SLIT2: variants seen among roughly 807,000 people sequenced by gnomAD.
The protein encoded by SLIT2 is slit homolog 2 protein.
Under a neutral mutation model 185.7 loss-of-function variants are expected in SLIT2, and 41 were observed. The observed-to-expected ratio is 0.22, with a 90% CI of 0.17 to 0.29. SLIT2 has a LOEUF of 0.29. Ranked by LOEUF, SLIT2 falls within the 10% of genes least tolerant of loss-of-function variation. SLIT2 has a pLI of 1.00. For synonymous variants in SLIT2, 693 were observed against 680.2 expected, an observed-to-expected ratio of 1.02 and a Z score of -0.29; for missense variants, 1,571 against 1,909.0, an observed-to-expected ratio of 0.82 and a Z score of 3.30.
At chr4:20,371,289 A>T (rs778718025) in intron 4 of SLIT2, among the ~76,000 whole-genome samples, 16 of 151,960 alleles carry the variant, frequency 1.1e-4, no homozygotes, top group Non-Finnish European at 1.8e-4. Context: ...CTTGATGCTC[A>T]CACAGACTTA....
intron 4 of SLIT2, among the ~76,000 whole-genome samples, chr4:20,378,033 G>A (rs974483846): frequency 7.2e-5 from 11 of 151,974 alleles, no homozygotes; most frequent in Non-Finnish European, 1.2e-4. Context: ...CAGCGTGTGT[G>A]GATATAATGT....
At chr4:20,487,360 T>G (rs1438494803) in intron 7 of SLIT2, among the ~76,000 whole-genome samples, 1 of 152,272 alleles carries the variant, frequency 6.6e-6, no homozygotes, top group Admixed American at 6.5e-5. Context: ...TCCCAGTAAC[T>G]TCAGGTATTT....
intron 4 of SLIT2, among the ~76,000 whole-genome samples, chr4:20,334,334 T>C (rs146323862): frequency 2.0e-4 from 30 of 152,242 alleles, no homozygotes; most frequent in Admixed American, 1.1e-3. Context: ...TAAAAGTTCA[T>C]GATTTCAAAC....
At chr4:20,278,837 G>C (rs1256509457) in intron 4 of SLIT2, among the ~76,000 whole-genome samples, 3 of 151,552 alleles carry the variant, frequency 2.0e-5, no homozygotes, top group African/African-American at 7.3e-5. Flanking sequence ...GGCGTGTGGA[G>C]GGGGAAGCGA....
At chr4:20,286,194 C>G (rs1715251070) in intron 4 of SLIT2, among the ~76,000 whole-genome samples, 1 of 152,122 alleles carries the variant, frequency 6.6e-6, no homozygotes, top group South Asian at 2.1e-4. Flanking sequence ...AATGTGTAAT[C>G]CTCATGGTAA....
chr4:20,289,534 G>A (rs1283155284), intron 4 of SLIT2, among the ~76,000 whole-genome samples: 1 of 152,102 alleles, frequency 6.6e-6, no homozygotes, highest in Non-Finnish European at 1.5e-5. Context: ...ACCCATGAAG[G>A]TGTGTTTTCT....
intron 12 of SLIT2, among the ~76,000 whole-genome samples, chr4:20,520,026 T>A (rs1372646469): frequency 2.1e-5 from 2 of 93,436 alleles, no homozygotes; most frequent in Non-Finnish European, 1.9e-5. Flanking sequence ...AGAGTGAGAC[T>A]CCGTCTCAAA....
rs147573782 is a variant in SLIT2 at position 20,376,934 on chromosome 4, A to G, written c.396-90818A>G. On this transcript the variant is annotated intron_variant, in intron 4 of 36. Coordinates refer to ENST00000504154, the MANE Select transcript of SLIT2 (RefSeq NM_004787.4). Reference sequence around the variant, plus strand: ...AATACCTAATGTAAACGACTCGTTAATGGGTGCAGCAAACCAACATGGCAC... The same window carrying G: ...AATACCTAATGTAAACGACTCGTTAGTGGGTGCAGCAAACCAACATGGCAC... Among the ~76,000 whole-genome samples, 12 of 152,256 alleles carry G rather than the reference A, an allele frequency of 7.9e-5. No individual in the cohort carries two copies. The East Asian group carries it at 2.1e-3, about 27-fold the overall frequency.
rs183098131 is a variant in SLIT2, at chr4:20,434,921, C to G, written c.396-32831C>G. Among the ~76,000 whole-genome samples, 99 of 152,202 alleles carry G rather than the reference C, an allele frequency of 6.5e-4. No individual in the cohort carries two copies. The East Asian group carries it at 0.01, about 15-fold the overall frequency. On this transcript the variant is annotated intron_variant, in intron 4 of 36. Transcript: ENST00000504154. Reference sequence around the variant, plus strand: ...AACATATGGCATATAGAATTATCTTCCACATATTTGCTTACCACTGTACCA... The same window carrying G: ...AACATATGGCATATAGAATTATCTTGCACATATTTGCTTACCACTGTACCA...
chr4:20,435,356 C>T (rs1288337116), intron 4 of SLIT2, among the ~76,000 whole-genome samples: 1 of 152,174 alleles, frequency 6.6e-6, no homozygotes, highest in Non-Finnish European at 1.5e-5. Context: ...AAATTAAAAA[C>T]ATATGGTCTT....
At chr4:20,483,752 T>C (rs1032257120) in intron 6 of SLIT2, among the ~76,000 whole-genome samples, 1 of 152,034 alleles carries the variant, frequency 6.6e-6, no homozygotes, top group African/African-American at 2.4e-5. Flanking sequence ...GAATACTCAT[T>C]ACAAAGAAAA....
At chr4:20,416,451 A>C (rs1028852478) in intron 4 of SLIT2, among the ~76,000 whole-genome samples, 1 of 152,176 alleles carries the variant, frequency 6.6e-6, no homozygotes, top group African/African-American at 2.4e-5. Flanking sequence ...CACCAAATAC[A>C]TTTACGCTGG....
intron 4 of SLIT2, among the ~76,000 whole-genome samples, chr4:20,456,509 T>C (rs1415578392): frequency 1.3e-5 from 2 of 152,260 alleles, no homozygotes. Context: ...CATTATTTTA[T>C]TTACACATGC....
intron 4 of SLIT2, among the ~76,000 whole-genome samples, chr4:20,362,636 A>C (rs1419328573): frequency 6.6e-6 from 1 of 151,760 alleles, no homozygotes; most frequent in Admixed American, 6.6e-5. Context: ...ATTTTTTAAA[A>C]TAACGTGTAT....
chr4:20,486,487 G>A (rs1717252717), intron 7 of SLIT2, among the ~76,000 whole-genome samples: 1 of 151,836 alleles, frequency 6.6e-6, no homozygotes, highest in South Asian at 2.1e-4. Flanking sequence ...GGAAACTTTG[G>A]AGTTAAAAAA....
At chr4:20,433,434 C>T (rs1389018261) in intron 4 of SLIT2, among the ~76,000 whole-genome samples, 1 of 152,090 alleles carries the variant, frequency 6.6e-6, no homozygotes, top group African/African-American at 2.4e-5. Flanking sequence ...TTTCAGATTC[C>T]CGGAGTGTGG....
intron 26 of SLIT2, among the ~76,000 whole-genome samples, chr4:20,563,841 C>T (rs1490496138): frequency 4.0e-5 from 6 of 151,798 alleles, no homozygotes; most frequent in Admixed American, 1.3e-4. Flanking sequence ...TGTATTTGAT[C>T]TCACTAGGTT....
At chr4:20,391,268 AC>A (rs1386299795) in intron 4 of SLIT2, among the ~76,000 whole-genome samples, 8 of 152,078 alleles carry the variant, frequency 5.3e-5, no homozygotes, top group Admixed American at 1.3e-4. Context: ...AATGCACATA[AC>A]CCATCTCAAA....
At chr4:20,465,658 C>G (rs1714259687) in intron 4 of SLIT2, among the ~76,000 whole-genome samples, 1 of 152,022 alleles carries the variant, frequency 6.6e-6, no homozygotes. Context: ...TATTTGATGC[C>G]CTAGGATTCT....
Sources: gnomAD v4.1 joint callset for allele counts (sites outside exome capture counted in the v4.1 genomes callset) on GRCh38, gnomAD v4.1.1 for gene constraint, MANE v1.5 for transcripts, NCBI Gene and HGNC (gene_info 2026-07-23, HGNC 2026-07-21) for gene names.